Variants in EML5 observed in about 807,000 individuals in gnomAD.
The protein encoded by EML5 is echinoderm microtubule-associated protein-like 5.
In EML5, 120 loss-of-function variants were observed where a neutral mutation model predicts 250.0. That is an observed-to-expected ratio of 0.48 (90% CI 0.41 to 0.56). The LOEUF (loss-of-function observed/expected upper bound fraction) is 0.56, where lower values mean the gene tolerates loss of function less well. Among genes scored for constraint, EML5 ranks in the 20% least tolerant of loss-of-function variants. The pLI, the probability that EML5 is intolerant of heterozygous loss-of-function variation, is 0.00. For synonymous variants in EML5, 771 were observed against 806.5 expected, an observed-to-expected ratio of 0.96 and a Z score of 0.75; for missense variants, 2,006 against 2,437.6, an observed-to-expected ratio of 0.82 and a Z score of 3.73.
intron 31 of EML5, among the ~76,000 whole-genome samples, chr14:88,641,298 A>G (rs1255678462): frequency 6.6e-6 from 1 of 152,110 alleles, no homozygotes; most frequent in African/African-American, 2.4e-5. Flanking sequence ...CCTGCCAAAG[A>G]CATTTGAAAA....
At chr14:88,684,360 CG>C (rs2092781597) in intron 20 of EML5, among the ~76,000 whole-genome samples, 1 of 88,768 alleles carries the variant, frequency 1.1e-5, no homozygotes, top group Non-Finnish European at 2.3e-5. Context: ...TTAGTAGAGA[CG>C]GGGTTTCACC....
chr14:88,754,741 G>T, intron 1 of EML5, 70 bp from the exon 2 acceptor site: 15 of 1,271,628 alleles, frequency 1.2e-5, no homozygotes, highest in Non-Finnish European at 1.5e-5. Context: ...GTATTTGGTA[G>T]ATGTAAAACA....
intron 1 of EML5, among the ~76,000 whole-genome samples, chr14:88,772,195 G>T (rs1196712616): frequency 6.6e-6 from 1 of 152,086 alleles, no homozygotes; most frequent in East Asian, 1.9e-4. Context: ...CTATTAGCCT[G>T]TCCTACTGGC....
At chr14:88,631,834 G>A (rs1413741690) in intron 33 of EML5, among the ~76,000 whole-genome samples, 3 of 152,064 alleles carry the variant, frequency 2.0e-5, no homozygotes, top group African/African-American at 4.8e-5. Flanking sequence ...GAGCTACTGC[G>A]CCCAGCTCAT....
intron 8 of EML5, among the ~76,000 whole-genome samples, chr14:88,722,625 G>A (rs1014052616): frequency 1.9e-4 from 29 of 152,106 alleles, no homozygotes; most frequent in Non-Finnish European, 3.8e-4. Context: ...GTGGGGTGAG[G>A]GGAGGGGGAG....
rs778339349 is a variant in EML5, at chr14:88,649,933, A to G, written c.4005-7T>C. 1 of 1,492,110 alleles carries G rather than the reference A, an allele frequency of 6.7e-7. No homozygotes were observed. Among genetic ancestry groups the G allele is most frequent in the South Asian group, 1.4e-5 (1 of 72,120 alleles). 92.4% of individuals were successfully genotyped at this position (1,492,110 alleles called of 1,614,324 possible). On this transcript the variant is annotated splice_region_variant and splice_polypyrimidine_tract_variant and intron_variant, in intron 27 of 43. Transcript: ENST00000554922. The stretch of plus-strand genomic sequence containing the variant: ...TTACCTTACTACTCCCTGCCTTCAA[A>G]AGGAGCAAGGGGGAAAAAAGTAGGA...
chr14:88,772,435 A>T (rs1460210986), intron 1 of EML5, among the ~76,000 whole-genome samples: 15 of 152,236 alleles, frequency 9.9e-5, no homozygotes, highest in Admixed American at 9.2e-4. Flanking sequence ...AACCTGAACC[A>T]TCTAAGATGG....
At chr14:88,656,331 G>A (rs1002761000) in intron 27 of EML5, among the ~76,000 whole-genome samples, 19 of 152,112 alleles carry the variant, frequency 1.2e-4, no homozygotes, top group Non-Finnish European at 1.9e-4. Flanking sequence ...CATGGATGAA[G>A]CTGGAAACCA....
chr14:88,644,371 G>C (rs2140678278), intron 30 of EML5, 62 bp downstream of exon 30: 1 of 1,461,998 alleles, frequency 6.8e-7, no homozygotes, highest in East Asian at 2.3e-5. Context: ...CAAAACTTGG[G>C]TGTTTTATAA....
chr14:88,736,645 T>C (rs1159821551), intron 6 of EML5, 80 bp from the exon 7 acceptor site: 2 of 1,377,844 alleles, frequency 1.5e-6, no homozygotes, highest in Non-Finnish European at 2.0e-6. Context: ...CCTATGCAGA[T>C]AGGGGCAAGT....
At chr14:88,758,436 C>T (rs2094192825) in intron 1 of EML5, among the ~76,000 whole-genome samples, 1 of 152,066 alleles carries the variant, frequency 6.6e-6, no homozygotes, top group Non-Finnish European at 1.5e-5. Flanking sequence ...CTCAGGAGAT[C>T]CACCTGCCTT....
chr14:88,739,049 A>AT (rs1422265228), intron 5 of EML5, 35 bp from the exon 6 acceptor site: 3 of 1,559,946 alleles, frequency 1.9e-6, no homozygotes, highest in Non-Finnish European at 2.6e-6. Context: ...AACGACAAAT[A>AT]TTTTTTAAGA....
At chr14:88,760,714 G>T (rs1467242365) in intron 1 of EML5, among the ~76,000 whole-genome samples, 3 of 152,080 alleles carry the variant, frequency 2.0e-5, no homozygotes, top group African/African-American at 7.2e-5. Context: ...ATTATGATTA[G>T]AATTGTATTA....
At chr14:88,701,082 C>T (rs2093199129) in intron 14 of EML5, among the ~76,000 whole-genome samples, 1 of 152,136 alleles carries the variant, frequency 6.6e-6, no homozygotes, top group African/African-American at 2.4e-5. Context: ...TTCGATTCTA[C>T]TGGGCAAAAT....
chr14:88,671,973 A>G (rs1354026870), intron 21 of EML5, among the ~76,000 whole-genome samples: 1 of 152,112 alleles, frequency 6.6e-6, no homozygotes, highest in African/African-American at 2.4e-5. Context: ...TTAACACCCT[A>G]CTGTCAACAT....
At chr14:88,788,221 T>C (rs569257674) in intron 1 of EML5, among the ~76,000 whole-genome samples, 1 of 152,308 alleles carries the variant, frequency 6.6e-6, no homozygotes, top group East Asian at 1.9e-4. Context: ...TTATTCTGAA[T>C]CGCTTTTCCA....
chr14:88,662,742 A>G (rs1269176734), intron 24 of EML5, among the ~76,000 whole-genome samples: 1 of 151,692 alleles, frequency 6.6e-6, no homozygotes, highest in Non-Finnish European at 1.5e-5. Context: ...ATGGGGTTTC[A>G]GCATGTTATC....
Position 88,663,100 on chromosome 14 carries a change from G to A in EML5, c.3429C>T (p.Asn1143=). The change falls in exon 24 of 44, where the codon AAC becomes AAT. Residue 1143 remains asparagine (N), a synonymous_variant. Transcript: ENST00000554922. ...AGAATAATTGTTCCTTAGCACCAGTGTTGACCTGTAAAAGCTTTCCTTCAA... is the reference window on the plus strand; with the variant it reads ...AGAATAATTGTTCCTTAGCACCAGTATTGACCTGTAAAAGCTTTCCTTCAA... ...WDIRGKLLQV[N]TGAKEQLFFE... 1 of 1,547,090 alleles carries A rather than the reference G, an allele frequency of 6.5e-7. No homozygotes were observed. The highest frequency in any genetic ancestry group is 2.0e-5 in the Admixed American group (1 of 50,404).
chr14:88,785,809 C>T (rs1394806999), intron 1 of EML5, among the ~76,000 whole-genome samples: 1 of 152,200 alleles, frequency 6.6e-6, no homozygotes, highest in African/African-American at 2.4e-5. Flanking sequence ...TCCCTGCTTC[C>T]ATCCTGCCCC....
Sources: gnomAD v4.1 joint callset for allele counts (sites outside exome capture counted in the v4.1 genomes callset) on GRCh38, gnomAD v4.1.1 for gene constraint, MANE v1.5 for transcripts, NCBI Gene and HGNC (gene_info 2026-07-23, HGNC 2026-07-21) for gene names.